Variants in FRMD4A observed in about 807,000 individuals in gnomAD.
FRMD4A encodes FERM domain containing 4A, also known as FERM domain-containing protein 4A.
Under a neutral mutation model 129.1 loss-of-function variants are expected in FRMD4A, and 29 were observed. That is an observed-to-expected ratio of 0.22 (90% CI 0.17 to 0.31). FRMD4A has a LOEUF of 0.31. Among genes scored for constraint, FRMD4A ranks in the 10% least tolerant of loss-of-function variants. FRMD4A has a pLI of 1.00. For synonymous variants in FRMD4A, 634 were observed against 571.6 expected, an observed-to-expected ratio of 1.11 and a Z score of -1.56; for missense variants, 1,272 against 1,375.8, an observed-to-expected ratio of 0.92 and a Z score of 1.19.
In FRMD4A at chr10:13,889,229, T is replaced by G. The variant is rs575838585; in HGVS notation, c.46-30317A>C. On this transcript the variant is annotated intron_variant, in intron 2 of 24. Coordinates refer to ENST00000357447, the MANE Select transcript of FRMD4A (RefSeq NM_018027.5). ...AGATCTCCTGAACCTTCCATATCCC[T>G]TTCTTTCACATCACAAACCAATCTC... Among the ~76,000 whole-genome samples the G allele has an allele frequency of 1.8e-3, 281 of 152,382 alleles. 1 individual carries two copies. Among genetic ancestry groups the G allele is most frequent in the African/African-American group, 6.1e-3 (255 of 41,600 alleles).
At chr10:14,068,606 T>A (rs577571215) in intron 2 of FRMD4A, among the ~76,000 whole-genome samples, 5 of 152,182 alleles carry the variant, frequency 3.3e-5, no homozygotes, top group Non-Finnish European at 7.3e-5. Flanking sequence ...AACTTCTCCT[T>A]TCCTCAGTGA....
intron 12 of FRMD4A, among the ~76,000 whole-genome samples, chr10:13,729,675 G>A (rs915996408): frequency 2.0e-5 from 3 of 152,184 alleles, no homozygotes; most frequent in Admixed American, 6.5e-5. Context: ...TAGGGACAGG[G>A]GGGCAGGCCG....
intron 2 of FRMD4A, among the ~76,000 whole-genome samples, chr10:14,063,762 C>T (rs1379021951): frequency 1.3e-5 from 2 of 152,152 alleles, no homozygotes; most frequent in East Asian, 3.9e-4. Flanking sequence ...TAGCTAACTC[C>T]CATCTGGTAT....
intron 2 of FRMD4A, among the ~76,000 whole-genome samples, chr10:14,050,145 G>A (rs973648554): frequency 3.9e-5 from 6 of 152,108 alleles, no homozygotes; most frequent in African/African-American, 1.2e-4. Flanking sequence ...CTGAGTTATC[G>A]TGAGGATTAA....
intron 2 of FRMD4A, among the ~76,000 whole-genome samples, chr10:14,123,159 G>A (rs761934484): frequency 2.6e-5 from 4 of 151,820 alleles, no homozygotes; most frequent in Non-Finnish European, 5.9e-5. Context: ...TAAAACCACC[G>A]AGGCTGCATG....
At chr10:13,714,301 G>A (rs1490899877) in intron 12 of FRMD4A, among the ~76,000 whole-genome samples, 1 of 151,190 alleles carries the variant, frequency 6.6e-6, no homozygotes, top group Admixed American at 6.6e-5. Flanking sequence ...GACCTCAGGT[G>A]ATCCACTCGC....
intron 2 of FRMD4A, among the ~76,000 whole-genome samples, chr10:14,268,808 A>T (rs1845066327): frequency 6.6e-6 from 1 of 151,296 alleles, no homozygotes; most frequent in Admixed American, 6.6e-5. Flanking sequence ...CATTTCTGCT[A>T]TGTGAAAACT....
At chr10:13,934,792 G>A (rs989178390) in intron 2 of FRMD4A, among the ~76,000 whole-genome samples, 5 of 152,170 alleles carry the variant, frequency 3.3e-5, no homozygotes, top group Non-Finnish European at 5.9e-5. Context: ...ATCAGGTTAT[G>A]AAGAGAACCA....
chr10:13,900,116 C>G (rs2094802421), intron 2 of FRMD4A, among the ~76,000 whole-genome samples: 1 of 152,118 alleles, frequency 6.6e-6, no homozygotes, highest in Non-Finnish European at 1.5e-5. Flanking sequence ...GCTTCCTACT[C>G]CCAGGTCAAT....
At chr10:13,943,261 A>G (rs2095306822) in intron 2 of FRMD4A, among the ~76,000 whole-genome samples, 2 of 152,184 alleles carry the variant, frequency 1.3e-5, no homozygotes. Context: ...GCAACGGTGC[A>G]GTGAGAGTAA....
In FRMD4A at chr10:14,320,097, C is replaced by T. The variant is rs148603595; in HGVS notation, c.45+9961G>A. 4.1e-4 allele frequency among the ~76,000 whole-genome samples: 62 copies of T among 152,164 alleles called. No individual in the cohort carries two copies. The East Asian group carries it at 8.5e-3, about 21-fold the overall frequency. On this transcript the variant is annotated intron_variant, in intron 2 of 24. Transcript: ENST00000357447. ...AGCTCCGTGCCACCTCTTTACCTCC[C>T]GCCCAAATTCATGCAATTGCCTCTA...
intron 2 of FRMD4A, among the ~76,000 whole-genome samples, chr10:13,928,998 T>C (rs1370745507): frequency 6.6e-6 from 1 of 152,254 alleles, no homozygotes; most frequent in Non-Finnish European, 1.5e-5. Context: ...TAGAAATTGA[T>C]CTGAAAGTAA....
chr10:14,089,608 C>G lies in FRMD4A; in HGVS notation c.46-230696G>C, dbSNP rs112555055. On this transcript the variant is annotated intron_variant, in intron 2 of 24. Coordinates refer to ENST00000357447, the MANE Select transcript of FRMD4A (RefSeq NM_018027.5). ...TTTATTGTGGATTGAAAAAAGTTCA[C>G]CTTTTCAAGCAAAAAAAAAAACAAA... 1.0e-2 allele frequency among the ~76,000 whole-genome samples: 1,272 copies of G among 127,508 alleles called. 28 individuals are homozygous for G. Among genetic ancestry groups the G allele is most frequent in the African/African-American group, 0.036 (1,201 of 33,622 alleles). The allele number at this position is 127,508 out of a possible 152,430, so 83.7% of individuals were successfully genotyped here.
chr10:13,795,339 G>C lies in FRMD4A; in HGVS notation c.299+1157C>G, dbSNP rs556759759. Among the ~76,000 whole-genome samples, 6 of 152,348 alleles carry C rather than the reference G, an allele frequency of 3.9e-5. No homozygotes were observed. In the East Asian group the frequency reaches 1.2e-3, roughly 29 times the overall value. ...TAATGGAAATAGCTAAGATGAGCTT[G>C]GATATGTTCACAGCTGTTAAACAAA... On this transcript the variant is annotated intron_variant, in intron 5 of 24. Coordinates refer to ENST00000357447, the MANE Select transcript of FRMD4A (RefSeq NM_018027.5).
intron 2 of FRMD4A, among the ~76,000 whole-genome samples, chr10:13,891,423 T>C (rs779714460): frequency 4.6e-5 from 7 of 151,504 alleles, no homozygotes; most frequent in African/African-American, 1.7e-4. Context: ...GAGGGGAGGG[T>C]TGCAGAAGAA....
intron 2 of FRMD4A, among the ~76,000 whole-genome samples, chr10:14,043,710 A>G (rs985016021): frequency 6.6e-6 from 1 of 152,236 alleles, no homozygotes. Context: ...CATCAGCATT[A>G]CAATAGAAGA....
At chr10:13,936,216 G>C (rs375879995) in intron 2 of FRMD4A, among the ~76,000 whole-genome samples, 1 of 152,128 alleles carries the variant, frequency 6.6e-6, no homozygotes, top group African/African-American at 2.4e-5. Context: ...ATGATCTTAG[G>C]GGAAAGTAAA....
intron 2 of FRMD4A, among the ~76,000 whole-genome samples, chr10:14,119,513 G>A (rs548199268): frequency 1.3e-5 from 2 of 152,278 alleles, no homozygotes; most frequent in South Asian, 4.1e-4. Context: ...TAACACATTG[G>A]CAGCATTTGG....
chr10:13,651,880 G>A (rs748517834), intron 24 of FRMD4A, 23 bp downstream of exon 24: 37 of 1,262,566 alleles, frequency 2.9e-5, no homozygotes, highest in Middle Eastern at 3.7e-4. Flanking sequence ...TGGGCAGTAG[G>A]AACAAAACTC....
Sources: allele counts gnomAD v4.1 joint callset (sites outside exome capture counted in the v4.1 genomes callset), GRCh38; gene constraint gnomAD v4.1.1; transcripts MANE v1.5; gene names NCBI Gene and HGNC (gene_info 2026-07-23, HGNC 2026-07-21).